Variants in GCNT1 observed in about 807,000 individuals in gnomAD.
The protein encoded by GCNT1 is glucosaminyl (N-acetyl) transferase 1.
Under a neutral mutation model 26.2 loss-of-function variants are expected in GCNT1, and 16 were observed. That is an observed-to-expected ratio of 0.61 (90% confidence interval 0.41 to 0.93). The LOEUF (loss-of-function observed/expected upper bound fraction) is 0.93. GCNT1 is among the 40% of genes least tolerant of loss of function. The pLI is 0.00. For missense variants in GCNT1, 477 were observed against 526.7 expected (o/e 0.91, Z 0.92); for synonymous variants, 183 against 190.8 (o/e 0.96, Z 0.34).
chr9:76,453,044 T>A (rs2131588191), intron 1 of GCNT1, among the ~76,000 whole-genome samples: 1 of 152,380 alleles, frequency 6.6e-6, no homozygotes, highest in African/African-American at 2.4e-5. Flanking sequence ...AATTCCCATG[T>A]GGCTCTGCCT....
chr9:76,483,909 G>T, intron 2 of GCNT1, among the ~76,000 whole-genome samples: 1 of 152,080 alleles, frequency 6.6e-6, no homozygotes, highest in Non-Finnish European at 1.5e-5. Context: ...GGAACTCTTG[G>T]GCTCAAGTGT....
the GCNT1 span, among the ~76,000 whole-genome samples, chr9:76,399,897 A>G: frequency 6.6e-6 from 1 of 152,226 alleles, no homozygotes; most frequent in African/African-American, 2.4e-5. Flanking sequence ...ATTCTGTGCT[A>G]AAAAGAAATG....
chr9:76,480,014 C>G (rs1374362868), intron 2 of GCNT1, among the ~76,000 whole-genome samples: 2 of 152,134 alleles, frequency 1.3e-5, no homozygotes, highest in African/African-American at 2.4e-5. Flanking sequence ...TTTAATCCAT[C>G]TTGAATTAAT....
At chr9:76,409,485 A>T in the GCNT1 span, among the ~76,000 whole-genome samples, 2 of 151,998 alleles carry the variant, frequency 1.3e-5, no homozygotes, top group African/African-American at 4.8e-5. Flanking sequence ...TTGCTGTATC[A>T]CCCAGCCCAG....
intron 2 of GCNT1, among the ~76,000 whole-genome samples, chr9:76,476,103 T>C (rs1018481159): frequency 1.3e-5 from 2 of 152,186 alleles, no homozygotes; most frequent in African/African-American, 4.8e-5. Context: ...GGAATAAGGA[T>C]ACTTAATCTG....
At chr9:76,490,830 C>T (rs1329390578) in intron 2 of GCNT1, among the ~76,000 whole-genome samples, 1 of 152,194 alleles carries the variant, frequency 6.6e-6, no homozygotes, top group Non-Finnish European at 1.5e-5. Flanking sequence ...GGGAGTTCCT[C>T]CTAGGTCAGA....
intron 2 of GCNT1, among the ~76,000 whole-genome samples, chr9:76,460,680 T>G (rs138857823): frequency 5.3e-4 from 80 of 152,372 alleles, no homozygotes; most frequent in African/African-American, 1.9e-3. Flanking sequence ...ATGGTAGTTT[T>G]GGGAAACTGA....
At chr9:76,482,183 G>A (rs578065087) in intron 2 of GCNT1, among the ~76,000 whole-genome samples, 74 of 152,172 alleles carry the variant, frequency 4.9e-4, no homozygotes, top group African/African-American at 1.5e-3. Flanking sequence ...CACCCATGGC[G>A]AATTGCCTCC....
intron 1 of GCNT1, among the ~76,000 whole-genome samples, chr9:76,430,842 C>T (rs1220756818): frequency 2.6e-5 from 4 of 152,076 alleles, no homozygotes; most frequent in African/African-American, 4.8e-5. Context: ...CACCAAACCA[C>T]ACCCAGCTAA....
chr9:76,439,897 C>T (rs7848550), upstream of GCNT1, among the ~76,000 whole-genome samples: 59,593 of 151,376 alleles, frequency 0.39, 11,972 homozygotes, highest in Non-Finnish European at 0.44. Flanking sequence ...GTCAGGAGAT[C>T]GAGACCATCC....
chr9:76,411,697 C>CTTTTTTTTTTTTTTT, the GCNT1 span, among the ~76,000 whole-genome samples: 1 of 83,652 alleles, frequency 1.2e-5, no homozygotes, highest in Non-Finnish European at 2.2e-5. Context: ...ATCAATTATA[C>CTTTTTTTTTTTTTTT]TTTTTTTTTT....
intron 1 of GCNT1, among the ~76,000 whole-genome samples, chr9:76,446,103 T>A (rs1297378355): frequency 2.6e-5 from 4 of 152,200 alleles, no homozygotes; most frequent in South Asian, 2.1e-4. Context: ...ACAATTTCTC[T>A]GTGGAAGACA....
intron 2 of GCNT1, among the ~76,000 whole-genome samples, chr9:76,478,717 G>T (rs1824328079): frequency 6.6e-6 from 1 of 152,132 alleles, no homozygotes; most frequent in Non-Finnish European, 1.5e-5. Flanking sequence ...ACCACATCTT[G>T]TTTATCACGT....
intron 2 of GCNT1, among the ~76,000 whole-genome samples, chr9:76,485,669 G>A (rs1293536917): frequency 6.6e-6 from 1 of 151,602 alleles, no homozygotes. Flanking sequence ...ATCTGTCTTT[G>A]TAATCCTAGG....
intron 2 of GCNT1, among the ~76,000 whole-genome samples, chr9:76,493,532 T>G (rs1393088420): frequency 1.3e-5 from 2 of 152,172 alleles, no homozygotes; most frequent in Non-Finnish European, 2.9e-5. Flanking sequence ...GAAGGGGACA[T>G]GTACCTGGGT....
chr9:76,443,942 G>GAAGA (rs1564225873), intron 1 of GCNT1, among the ~76,000 whole-genome samples: 1 of 80,764 alleles, frequency 1.2e-5, no homozygotes, highest in African/African-American at 4.5e-5. Context: ...AGGAAGGAAG[G>GAAGA]AAGGAAGGAA....
chr9:76,446,106 G>A (rs943435212), intron 1 of GCNT1, among the ~76,000 whole-genome samples: 1 of 152,148 alleles, frequency 6.6e-6, no homozygotes, highest in Non-Finnish European at 1.5e-5. Context: ...ATTTCTCTGT[G>A]GAAGACATGA....
intron 2 of GCNT1, among the ~76,000 whole-genome samples, chr9:76,470,561 G>A (rs1274644262): frequency 1.4e-5 from 2 of 147,460 alleles, no homozygotes; most frequent in African/African-American, 2.5e-5. Context: ...CTGTGATTGG[G>A]CCACCACATT....
At chr9:76,419,072 C>A (rs1823156486), upstream of GCNT1, among the ~76,000 whole-genome samples, 1 of 152,120 alleles carries the variant, frequency 6.6e-6, no homozygotes, top group African/African-American at 2.4e-5. Flanking sequence ...TACCAAAACA[C>A]CATATTTTGG....
Sources: allele counts gnomAD v4.1 joint callset (sites outside exome capture counted in the v4.1 genomes callset), GRCh38; gene constraint gnomAD v4.1.1; transcripts MANE v1.5; gene names NCBI Gene and HGNC (gene_info 2026-07-23, HGNC 2026-07-21).